LRSAM1: variants seen among roughly 807,000 people sequenced by gnomAD.
LRSAM1 encodes leucine rich repeat and sterile alpha motif containing 1.
LRSAM1 carries 96 observed loss-of-function variants against 118.1 expected under a neutral mutation model. The observed-to-expected ratio is 0.81, with a 90% CI of 0.69 to 0.96. The LOEUF is 0.96. LRSAM1 is among the 40% of genes least tolerant of loss of function. LRSAM1 has a pLI of 0.00. For synonymous variants in LRSAM1, 322 were observed against 364.2 expected, an observed-to-expected ratio of 0.88 and a Z score of 1.32; for missense variants, 804 against 915.5, an observed-to-expected ratio of 0.88 and a Z score of 1.57.
intron 16 of LRSAM1, among the ~76,000 whole-genome samples, chr9:127,485,510 C>T (rs1294853400): frequency 6.6e-6 from 1 of 152,088 alleles, no homozygotes; most frequent in Non-Finnish European, 1.5e-5. Context: ...GAGCTGAGAT[C>T]GCACCACTGC....
chr9:127,502,555 T>G (rs1836430990), intron 25 of LRSAM1, among the ~76,000 whole-genome samples: 1 of 151,756 alleles, frequency 6.6e-6, no homozygotes, highest in South Asian at 2.1e-4. Flanking sequence ...GGTATGGTGG[T>G]GCACGCCTGT....
intron 8 of LRSAM1, 82 bp from the exon 9 acceptor site, chr9:127,462,170 A>G (rs1335834512): frequency 2.5e-6 from 4 of 1,597,278 alleles, no homozygotes; most frequent in African/African-American, 2.7e-5. Flanking sequence ...CCTAGAGGTC[A>G]GAGTGGCTCC....
At chr9:127,458,972 T>C in intron 6 of LRSAM1, 31 bp from the exon 7 acceptor site, 1 of 1,612,248 alleles carries the variant, frequency 6.2e-7, no homozygotes, top group Non-Finnish European at 8.5e-7. Flanking sequence ...ACTTTCTCAC[T>C]TGGAGACTCA....
chr9:127,466,174 T>C (rs1046139431), intron 9 of LRSAM1, among the ~76,000 whole-genome samples: 7 of 151,784 alleles, frequency 4.6e-5, no homozygotes, highest in African/African-American at 1.5e-4. Context: ...CCGGGTGTGG[T>C]GGCGCATGCC....
At chr9:127,488,973 C>T (rs1462527141) in intron 18 of LRSAM1, among the ~76,000 whole-genome samples, 1 of 152,138 alleles carries the variant, frequency 6.6e-6, no homozygotes, top group Non-Finnish European at 1.5e-5. Context: ...GCGTGTTTGT[C>T]ATCCCACCCT....
chr9:127,453,380 C>A (rs567688044), intron 2 of LRSAM1: 1 of 152,136 alleles, frequency 6.6e-6, no homozygotes, highest in African/African-American at 2.4e-5. Context: ...CCACACCCGG[C>A]GTGTTTCTTC....
chr9:127,493,013 G>A (rs765529227), intron 21 of LRSAM1, 116 bp downstream of exon 21: 5 of 869,062 alleles, frequency 5.8e-6, no homozygotes, highest in Non-Finnish European at 9.4e-6. Flanking sequence ...AAGAAAAACT[G>A]GAAAGTACAA....
At chr9:127,473,577 G>A (rs557713870) in intron 10 of LRSAM1, among the ~76,000 whole-genome samples, 1 of 152,286 alleles carries the variant, frequency 6.6e-6, no homozygotes, top group East Asian at 1.9e-4. Context: ...GGTGTAAGGG[G>A]TAGCCAGTAC....
rs779377549 is a variant in LRSAM1 at position 127,495,981 on chromosome 9, C to T, written c.1716C>T (p.Arg572=). 1.9e-6 allele frequency: 3 copies of T among 1,612,836 alleles called. No homozygotes were observed. In the African/African-American group the frequency reaches 4.0e-5, roughly 22 times the overall value. The change falls in exon 23 of 26, where the codon CGC becomes CGT. Residue 572 remains arginine, a synonymous_variant. Transcript: ENST00000300417. ...SLKLQEEGME[R]QLVALLEELS... Reference sequence around the variant, plus strand: ...TCTTGCAGGAAGAGGGGATGGAGCGCCAGCTGGTGGCCCTCCTGGAGGAGC... The same window carrying T: ...TCTTGCAGGAAGAGGGGATGGAGCGTCAGCTGGTGGCCCTCCTGGAGGAGC...
At chr9:127,501,595 G>A (rs1836396326) in intron 25 of LRSAM1, among the ~76,000 whole-genome samples, 1 of 152,126 alleles carries the variant, frequency 6.6e-6, no homozygotes, top group South Asian at 2.1e-4. Context: ...AGCCAGGCGT[G>A]GTGGTGGGCG....
intron 4 of LRSAM1, 72 bp downstream of exon 4, chr9:127,455,126 G>T: frequency 6.9e-7 from 1 of 1,443,896 alleles, no homozygotes. Flanking sequence ...CCCTAGGAAA[G>T]ACAGAGGTGG....
In LRSAM1 at chr9:127,480,074, C is replaced by G. The variant is rs1835482463; in HGVS notation, c.1043+96C>G. 8 of 1,550,938 alleles carry G rather than the reference C, an allele frequency of 5.2e-6. No homozygotes were observed. In the Admixed American group the frequency reaches 6.9e-5, roughly 13 times the overall value. On this transcript the variant is annotated intron_variant, in intron 14 of 25. Coordinates refer to ENST00000300417, the MANE Select transcript of LRSAM1 (RefSeq NM_001005373.4). ...TGTGTTTCTCCCTCACTGCCTCTGC[C>G]CCTGCCCCGGGCTTCCCTTGTCAGG...
intron 2 of LRSAM1, among the ~76,000 whole-genome samples, chr9:127,453,191 C>T (rs376016199): frequency 6.6e-6 from 1 of 152,324 alleles, no homozygotes; most frequent in East Asian, 1.9e-4. Flanking sequence ...AAGCAATTCT[C>T]GTTCCTCAGC....
At chr9:127,495,548 C>A in intron 22 of LRSAM1, 130 bp downstream of exon 22, 1 of 794,284 alleles carries the variant, frequency 1.3e-6, no homozygotes, top group Non-Finnish European at 2.1e-6. Flanking sequence ...GATCCTGTGC[C>A]AAGCCCCAGT....
At position 127,492,915 on chromosome 9, in the gene LRSAM1, G is replaced by C. The variant is rs1406274226; in HGVS notation, c.1599+18G>C. On this transcript the variant is annotated intron_variant, in intron 21 of 25. Transcript: ENST00000300417. ...AAATCCTGGTATGTGTTTGGCTTCT[G>C]TGCTCAGCATCACACAGGCATTTGC... The C allele has an allele frequency of 1.4e-5, 23 of 1,608,014 alleles. No individual in the cohort carries two copies. Among genetic ancestry groups the C allele is most frequent in the Non-Finnish European group, 2.0e-5 (23 of 1,174,816 alleles).
intron 10 of LRSAM1, among the ~76,000 whole-genome samples, chr9:127,473,489 A>G (rs1835246569): frequency 6.6e-6 from 1 of 152,242 alleles, no homozygotes; most frequent in South Asian, 2.1e-4. Context: ...AATTATTGGT[A>G]GAGCTGGATC....
chr9:127,479,103 C>A, intron 12 of LRSAM1, 140 bp downstream of exon 12: 1 of 964,092 alleles, frequency 1.0e-6, no homozygotes, highest in Non-Finnish European at 1.6e-6. Flanking sequence ...ACGCAGTCTG[C>A]TGCATCCTCA....
chr9:127,479,062 A>G lies in LRSAM1; in HGVS notation c.780+99A>G, dbSNP rs534301130. ...GAAAATGACTTCTTCCCAGCTCAGA[A>G]TTAGAGGTCACAGTAATGCCTTCCT... is the stretch of plus-strand genomic sequence containing the variant. On this transcript the variant is annotated intron_variant, in intron 12 of 25. Transcript: ENST00000300417. The G allele has an allele frequency of 9.1e-5, 121 of 1,332,856 alleles. No individual in the cohort carries two copies. In the African/African-American group the frequency reaches 1.7e-3, roughly 19 times the overall value. 82.6% of individuals were successfully genotyped at this position (1,332,856 alleles called of 1,614,324 possible).
At chr9:127,464,365 C>T (rs1216007763) in intron 9 of LRSAM1, among the ~76,000 whole-genome samples, 1 of 109,378 alleles carries the variant, frequency 9.1e-6, no homozygotes, top group African/African-American at 3.9e-5. Context: ...CACCTGGTGA[C>T]CGTGCTGTCC....
Sources: gnomAD v4.1 joint callset for allele counts (sites outside exome capture counted in the v4.1 genomes callset) on GRCh38, gnomAD v4.1.1 for gene constraint, MANE v1.5 for transcripts, NCBI Gene and HGNC (gene_info 2026-07-23, HGNC 2026-07-21) for gene names.